LURAP1L: variants seen among roughly 807,000 people sequenced by gnomAD.
The protein encoded by LURAP1L is leucine rich adaptor protein 1-like.
Under a neutral mutation model 13.8 loss-of-function variants are expected in LURAP1L, and 12 were observed. The ratio of observed to expected loss-of-function variants is 0.87; its 90% CI spans 0.56 to 1.41. The LOEUF (loss-of-function observed/expected upper bound fraction) is 1.41. Among genes scored for constraint, LURAP1L ranks in the 40% most tolerant of loss-of-function variants. The pLI, the probability that LURAP1L is intolerant of heterozygous loss-of-function variation, is 0.00. For synonymous variants in LURAP1L, 139 were observed against 119.2 expected, an observed-to-expected ratio of 1.17 and a Z score of -1.08; for missense variants, 375 against 292.9, an observed-to-expected ratio of 1.28 and a Z score of -2.04.
At chr9:12,797,642 A>G (rs1431067041) in intron 1 of LURAP1L, among the ~76,000 whole-genome samples, 2 of 152,090 alleles carry the variant, frequency 1.3e-5, no homozygotes, top group Non-Finnish European at 2.9e-5. Context: ...TTTTATCTGT[A>G]TTATAACTTA....
intron 1 of LURAP1L, among the ~76,000 whole-genome samples, chr9:12,802,110 C>A (rs771411213): frequency 3.3e-5 from 5 of 152,086 alleles, no homozygotes; most frequent in Non-Finnish European, 7.4e-5. Flanking sequence ...GTAGTTTTAT[C>A]TAATTTCCCT....
chr9:12,821,305 A>C, intron 1 of LURAP1L, 81 bp from the exon 2 acceptor site: 1 of 1,453,840 alleles, frequency 6.9e-7, no homozygotes, highest in Non-Finnish European at 9.3e-7. Context: ...TCTGAACTGC[A>C]GCAGACAGTC....
At chr9:12,816,940 G>A (rs535860963) in intron 1 of LURAP1L, among the ~76,000 whole-genome samples, 68 of 152,274 alleles carry the variant, frequency 4.5e-4, no homozygotes, top group African/African-American at 1.5e-3. Flanking sequence ...ACATGTCCTG[G>A]TTGTTTGTTC....
Position 12,775,690 on chromosome 9 carries a change from ACTATTAT to A in LURAP1L, c.-24_-18del. 6.5e-7 allele frequency: 1 copy of A among 1,538,398 alleles called. No individual in the cohort carries two copies. The highest frequency in any genetic ancestry group is 2.3e-5 in the East Asian group (1 of 44,142). On this transcript the variant is annotated 5_prime_UTR_variant, in exon 1 of 2. Coordinates refer to ENST00000319264, the MANE Select transcript of LURAP1L (RefSeq NM_203403.2). The stretch of plus-strand genomic sequence containing the variant: ...TGCCTTTCATCTGCTGCGTTTTATT[ACTATTAT>A]CGCCGTTCCGGAAAAGTCATGGAAG...
At chr9:12,799,434 T>TATTTTTATTTTAAAATAA (rs1455750906) in intron 1 of LURAP1L, among the ~76,000 whole-genome samples, 1 of 152,226 alleles carries the variant, frequency 6.6e-6, no homozygotes, top group Non-Finnish European at 1.5e-5. Context: ...AAAAATTAGG[T>TATTTTTATTTTAAAATAA]AATGTGTATT....
At chr9:12,796,009 G>C (rs1281766836) in intron 1 of LURAP1L, among the ~76,000 whole-genome samples, 1 of 151,902 alleles carries the variant, frequency 6.6e-6, no homozygotes. Flanking sequence ...TTCCTATCAG[G>C]TATAATTCTA....
chr9:12,804,425 A>G (rs1368658388), intron 1 of LURAP1L, among the ~76,000 whole-genome samples: 1 of 150,966 alleles, frequency 6.6e-6, no homozygotes, highest in Non-Finnish European at 1.5e-5. Context: ...GCTCACTGCA[A>G]CCTCTGCCTC....
Position 12,820,505 on chromosome 9 carries a change from C to CT in LURAP1L, c.313-881_313-880insT, listed in dbSNP as rs1192232888. Among the ~76,000 whole-genome samples the CT allele has an allele frequency of 1.0e-4, 7 of 67,026 alleles. 1 individual carries two copies. Among genetic ancestry groups the CT allele is most frequent in the African/African-American group, 1.4e-4 (3 of 21,970 alleles). The allele number at this position is 67,026 out of a possible 152,430, so 44.0% of individuals were successfully genotyped here. A position where few individuals can be genotyped will look rare whatever the true frequency, so the allele number is the denominator to read the frequency against. On this transcript the variant is annotated intron_variant, in intron 1 of 1. Transcript: ENST00000319264. ...ACGACAGATCGAGACTCCGTCCCCC[C>CT]CCCCCCCCCAAAAAAAAAAAAGGAC...
intron 1 of LURAP1L, among the ~76,000 whole-genome samples, chr9:12,786,773 G>C (rs981631620): frequency 1.3e-5 from 2 of 151,368 alleles, no homozygotes; most frequent in Non-Finnish European, 2.9e-5. Flanking sequence ...TCTTATGAAA[G>C]AGTGATGTGT....
At chr9:12,818,296 A>C (rs1819830111) in intron 1 of LURAP1L, among the ~76,000 whole-genome samples, 1 of 152,202 alleles carries the variant, frequency 6.6e-6, no homozygotes, top group South Asian at 2.1e-4. Context: ...AATTGCTGAC[A>C]AAAAATGTAT....
intron 1 of LURAP1L, among the ~76,000 whole-genome samples, chr9:12,778,915 G>C (rs143395186): frequency 6.6e-6 from 1 of 152,182 alleles, no homozygotes; most frequent in Non-Finnish European, 1.5e-5. Context: ...ATGGATGCTT[G>C]AAACTGTGGA....
rs192107712 is a variant in LURAP1L, at chr9:12,786,274, C to G, written c.312+10247C>G. 4.0e-3 allele frequency among the ~76,000 whole-genome samples: 605 copies of G among 151,850 alleles called. 3 individuals are homozygous for G. The highest frequency in any genetic ancestry group is 0.014 in the African/African-American group (582 of 41,444). The stretch of plus-strand genomic sequence containing the variant: ...GTCACTTCTCCTATACAAACCCCAA[C>G]TAGTTGCTAATTATATAGAAAAGGT... On this transcript the variant is annotated intron_variant, in intron 1 of 1. Coordinates refer to ENST00000319264, the MANE Select transcript of LURAP1L (RefSeq NM_203403.2).
At chr9:12,781,876 C>G (rs996689149) in intron 1 of LURAP1L, among the ~76,000 whole-genome samples, 4 of 152,166 alleles carry the variant, frequency 2.6e-5, no homozygotes, top group African/African-American at 9.7e-5. Flanking sequence ...TTCCCACCAA[C>G]AGTGTACAAG....
intron 1 of LURAP1L, among the ~76,000 whole-genome samples, chr9:12,780,558 T>G (rs1819255322): frequency 6.6e-6 from 1 of 152,166 alleles, no homozygotes; most frequent in African/African-American, 2.4e-5. Flanking sequence ...ATTCCCAGCC[T>G]GTTATTCAAA....
At chr9:12,779,078 C>G (rs1819231769) in intron 1 of LURAP1L, among the ~76,000 whole-genome samples, 1 of 151,952 alleles carries the variant, frequency 6.6e-6, no homozygotes, top group Non-Finnish European at 1.5e-5. Context: ...CTCTCTCTTT[C>G]TCTCTCATTC....
intron 1 of LURAP1L, among the ~76,000 whole-genome samples, chr9:12,781,688 T>C (rs541117029): frequency 1.3e-5 from 2 of 152,338 alleles, no homozygotes; most frequent in Admixed American, 6.5e-5. Flanking sequence ...TTGTAAATCT[T>C]AGCTATTGTG....
At chr9:12,781,673 G>GATC (rs1167477841) in intron 1 of LURAP1L, among the ~76,000 whole-genome samples, 5 of 152,258 alleles carry the variant, frequency 3.3e-5, no homozygotes, top group African/African-American at 1.2e-4. Context: ...ATGGACACAG[G>GATC]TTGCTTGTAA....
chr9:12,792,606 A>G (rs934004056), intron 1 of LURAP1L, among the ~76,000 whole-genome samples: 4 of 152,104 alleles, frequency 2.6e-5, no homozygotes, highest in African/African-American at 9.7e-5. Context: ...TTGCTTTGTC[A>G]AGGAAGTGAA....
At chr9:12,798,634 T>G (rs1360640390) in intron 1 of LURAP1L, among the ~76,000 whole-genome samples, 1 of 152,212 alleles carries the variant, frequency 6.6e-6, no homozygotes, top group Non-Finnish European at 1.5e-5. Flanking sequence ...AAGCTAGAAG[T>G]GATGAATTAA....
Sources: gnomAD v4.1 joint callset for allele counts (sites outside exome capture counted in the v4.1 genomes callset) on GRCh38, gnomAD v4.1.1 for gene constraint, MANE v1.5 for transcripts, NCBI Gene and HGNC (gene_info 2026-07-23, HGNC 2026-07-21) for gene names.